The following WDR19 variants were observed in gnomAD, a reference collection of about 807,000 sequenced individuals.
WDR19 encodes the protein WD repeat-containing protein 19.
Under a neutral mutation model 180.0 loss-of-function variants are expected in WDR19, and 121 were observed. The observed-to-expected ratio is 0.67, with a 90% CI of 0.58 to 0.78. The LOEUF is 0.78. WDR19 is among the 30% of genes least tolerant of loss of function. The pLI is 0.00. For missense variants in WDR19, 1,450 were observed against 1,640.7 expected, an observed-to-expected ratio of 0.88 and a Z score of 2.01; for synonymous variants, 497 against 540.7, an observed-to-expected ratio of 0.92 and a Z score of 1.12.
chr4:39,277,023 A>G lies in WDR19; in HGVS notation c.3720A>G (p.Arg1240=). The G allele has an allele frequency of 6.2e-7, 1 of 1,612,752 alleles. No individual in the cohort carries two copies. Among genetic ancestry groups the G allele is most frequent in the East Asian group, 2.2e-5 (1 of 44,856 alleles). Residue 1240 remains arginine (R), a synonymous_variant, in exon 34 of 37, where the codon AGA becomes AGG. Transcript: ENST00000399820. ...YKKKIEGMVR[R]PDISEIEEAT... ...ATGACATGATTCTTCCTCACAGGAG[A>G]CCCGATATATCTGAGATAGAAGAGG...
chr4:39,185,872 A>G, intron 2 of WDR19, 55 bp downstream of exon 2: 1 of 1,363,796 alleles, frequency 7.3e-7, no homozygotes. Context: ...TAATCACACC[A>G]TCTACTCAGT....
chr4:39,196,103 A>C (rs1430685839), intron 5 of WDR19, among the ~76,000 whole-genome samples: 1 of 152,112 alleles, frequency 6.6e-6, no homozygotes, highest in Non-Finnish European at 1.5e-5. Context: ...GTCATTGTAT[A>C]GTCTTTTCCC....
At position 39,214,584 on chromosome 4, in the gene WDR19, G is replaced by A. The variant is rs2109322659; in HGVS notation, c.891-17G>A. 2 of 1,411,590 alleles carry A rather than the reference G, an allele frequency of 1.4e-6. No homozygotes were observed. Among genetic ancestry groups the A allele is most frequent in the South Asian group, 1.3e-5 (1 of 78,448 alleles). 87.4% of individuals were successfully genotyped at this position (1,411,590 alleles called of 1,614,324 possible). On this transcript the variant is annotated splice_polypyrimidine_tract_variant and intron_variant, in intron 9 of 36. Coordinates refer to ENST00000399820, the MANE Select transcript of WDR19 (RefSeq NM_025132.4). ...AAGATCATATATATTTTTTAATAAT[G>A]CATTTTTGTTTTTCAGCATTAAAAT... is the stretch of plus-strand genomic sequence containing the variant.
intron 28 of WDR19, among the ~76,000 whole-genome samples, chr4:39,265,022 G>A (rs193267624): frequency 5.3e-5 from 8 of 150,480 alleles, no homozygotes; most frequent in African/African-American, 1.2e-4. Context: ...GGTTCAAGCC[G>A]ATTCTCATGC....
At chr4:39,232,658 T>C (rs1577946577) in intron 19 of WDR19, among the ~76,000 whole-genome samples, 1 of 150,406 alleles carries the variant, frequency 6.6e-6, no homozygotes, top group Middle Eastern at 3.4e-3. Flanking sequence ...GCCAAGATTG[T>C]ACCACTGCAC....
intron 9 of WDR19, among the ~76,000 whole-genome samples, chr4:39,211,830 T>C (rs1728536967): frequency 1.3e-5 from 2 of 152,082 alleles, no homozygotes; most frequent in African/African-American, 4.8e-5. Context: ...AGTGAAGATA[T>C]CAGTTCCCCC....
At position 39,253,162 on chromosome 4, in the gene WDR19, G is replaced by A. The variant is rs1243020744; in HGVS notation, c.2746G>A (p.Val916Ile). 6.2e-7 allele frequency: 1 copy of A among 1,607,420 alleles called. No homozygotes were observed. Among genetic ancestry groups the A allele is most frequent in the Admixed American group, 1.7e-5 (1 of 58,660 alleles). ...EADGRYKEAV[V>I]AYENAKQWQS... Reference sequence around the variant, plus strand: ...TTTTTACAGATACAAAGAAGCTGTTGTAGCTTATGAAAATGCAAAACAGTG... The same window carrying A: ...TTTTTACAGATACAAAGAAGCTGTTATAGCTTATGAAAATGCAAAACAGTG... The change falls in exon 25 of 37, where the codon GTA becomes ATA. Residue 916 changes from valine (V) to isoleucine (I), a missense_variant. By Grantham distance (29) the Val-to-Ile change is conservative (BLOSUM62 3). Transcript: ENST00000399820.
In WDR19 at chr4:39,266,529, A is replaced by T. The variant is rs148199203; in HGVS notation, c.3261+389A>T. Among the ~76,000 whole-genome samples the T allele has an allele frequency of 1.5e-3, 228 of 152,342 alleles. 1 individual carries two copies. The highest frequency in any genetic ancestry group is 5.2e-3 in the African/African-American group (216 of 41,582). On this transcript the variant is annotated intron_variant, in intron 29 of 36. Coordinates refer to ENST00000399820, the MANE Select transcript of WDR19 (RefSeq NM_025132.4). ...GACAGACCCTGCGTTTTGGAGGATA[A>T]CGTATATTCACTCTTTAAAATTGGC...
At chr4:39,229,376 G>A (rs926110461) in intron 17 of WDR19, among the ~76,000 whole-genome samples, 49 of 152,130 alleles carry the variant, frequency 3.2e-4, no homozygotes, top group African/African-American at 1.2e-3. Flanking sequence ...AGATAAGATA[G>A]TCAGCTGTTT....
At chr4:39,236,862 T>C (rs891228685) in intron 20 of WDR19, among the ~76,000 whole-genome samples, 1 of 152,246 alleles carries the variant, frequency 6.6e-6, no homozygotes, top group East Asian at 1.9e-4. Flanking sequence ...TAATTGTCAA[T>C]AGTCTTAATT....
At chr4:39,224,046 T>G (rs1381093724) in intron 14 of WDR19, among the ~76,000 whole-genome samples, 2 of 152,196 alleles carry the variant, frequency 1.3e-5, no homozygotes, top group African/African-American at 2.4e-5. Context: ...AGCATACAAG[T>G]CCTGGGCATG....
chr4:39,206,916 A>G (rs1474199385), intron 9 of WDR19, among the ~76,000 whole-genome samples: 2 of 152,200 alleles, frequency 1.3e-5, no homozygotes, highest in Non-Finnish European at 2.9e-5. Context: ...AACCTTCTCC[A>G]TGGGATTTAG....
At chr4:39,220,290 G>C (rs1233459554) in intron 14 of WDR19, among the ~76,000 whole-genome samples, 3 of 151,850 alleles carry the variant, frequency 2.0e-5, no homozygotes, top group South Asian at 4.1e-4. Flanking sequence ...TACTTTAAAA[G>C]TTTCCACTTT....
chr4:39,219,862 T>C (rs1283249057), intron 14 of WDR19, among the ~76,000 whole-genome samples: 3 of 152,200 alleles, frequency 2.0e-5, no homozygotes, highest in Non-Finnish European at 4.4e-5. Context: ...AAGCATATCA[T>C]GCCTGTTACC....
intron 36 of WDR19, among the ~76,000 whole-genome samples, chr4:39,285,079 G>GAC (rs34494427): frequency 0.51 from 76,586 of 150,828 alleles, 21,055 homozygotes; most frequent in African/African-American, 0.73. Context: ...AAAAAAAAAA[G>GAC]ACACACACAA....
intron 1 of WDR19, 132 bp downstream of exon 1, chr4:39,182,695 G>T: frequency 7.4e-7 from 1 of 1,349,672 alleles, no homozygotes; most frequent in African/African-American, 1.4e-5. Context: ...GAGAGAGAGA[G>T]GTGGCCAGAG....
intron 4 of WDR19, among the ~76,000 whole-genome samples, chr4:39,190,329 A>T (rs561655301): frequency 1.3e-5 from 2 of 152,244 alleles, no homozygotes; most frequent in African/African-American, 2.4e-5. Context: ...TGAAAGGAAG[A>T]GCAAAGGGCA....
intron 28 of WDR19, among the ~76,000 whole-genome samples, chr4:39,260,595 C>A (rs903392000): frequency 3.9e-5 from 6 of 152,178 alleles, no homozygotes; most frequent in Non-Finnish European, 8.8e-5. Context: ...CCTGCCTTGG[C>A]CTCCCAAAGT....
rs778639199 is a variant in WDR19 at position 39,205,697 on chromosome 4, C to T, written c.851C>T (p.Ser284Leu). The T allele has an allele frequency of 1.2e-6, 2 of 1,609,774 alleles. No individual in the cohort carries two copies. Among genetic ancestry groups the T allele is most frequent in the South Asian group, 2.2e-5 (2 of 90,210 alleles). Residue 284 changes from serine to leucine, a missense_variant, in exon 9 of 37, where the codon TCA becomes TTA. Ser to Leu is a moderately radical substitution (Grantham distance 145). Coordinates refer to ENST00000399820, the MANE Select transcript of WDR19 (RefSeq NM_025132.4). ...GATAATCTAACCAGCATTGCAGTAT[C>T]ACAGACTCTTAACAAAGTTGCTACA... ...HKDNLTSIAV[S>L]QTLNKVATCG...
Sources: gnomAD v4.1 joint callset for allele counts (sites outside exome capture counted in the v4.1 genomes callset) on GRCh38, gnomAD v4.1.1 for gene constraint, MANE v1.5 for transcripts, NCBI Gene and HGNC (gene_info 2026-07-23, HGNC 2026-07-21) for gene names.